The following KDM4C variants were observed in gnomAD, a reference collection of about 807,000 sequenced individuals.
KDM4C encodes lysine-specific demethylase 4C.
In KDM4C, 81 loss-of-function variants were observed where a neutral mutation model predicts 129.3. The ratio of observed to expected loss-of-function variants is 0.63; its 90% CI spans 0.52 to 0.75. The LOEUF is 0.75. Among genes scored for constraint, KDM4C ranks in the 30% least tolerant of loss-of-function variants. The probability of loss-of-function intolerance (pLI) is 0.00; values close to 1 mark genes in which losing one functional copy is unlikely to be tolerated. For synonymous variants in KDM4C, 573 were observed against 456.1 expected (o/e 1.26, Z -3.26); for missense variants, 1,457 against 1,304.0 (o/e 1.12, Z -1.81).
At chr9:6,973,833 TGGA>T (rs1832445682) in intron 8 of KDM4C, 1 of 152,208 alleles carries the variant, frequency 6.6e-6, no homozygotes, top group Admixed American at 6.5e-5. Context: ...GCAGAAAAGA[TGGA>T]GGAGGACAGG....
chr9:6,836,334 T>C (rs985229521), intron 4 of KDM4C, among the ~76,000 whole-genome samples: 6 of 152,100 alleles, frequency 3.9e-5, no homozygotes, highest in Admixed American at 2.6e-4. Flanking sequence ...ATCATGCCAT[T>C]GCACTCCAGC....
At position 7,122,691 on chromosome 9, in the gene KDM4C, G is replaced by A. The variant is rs1460946480; in HGVS notation, c.2611-5375G>A. On this transcript the variant is annotated intron_variant, in intron 18 of 21. Coordinates refer to ENST00000381309, the MANE Select transcript of KDM4C (RefSeq NM_015061.6). ...TTATTTATGCTTTTATGGAATGTCTGTAACGTTTTTTTACTTAACATTTTG... is the reference window on the plus strand; with the variant it reads ...TTATTTATGCTTTTATGGAATGTCTATAACGTTTTTTTACTTAACATTTTG... Among the ~76,000 whole-genome samples the A allele has an allele frequency of 2.0e-5, 3 of 152,160 alleles. No homozygotes were observed. The East Asian group carries it at 5.8e-4, about 29-fold the overall frequency.
At chr9:6,935,294 AT>A (rs1388591670) in intron 8 of KDM4C, among the ~76,000 whole-genome samples, 1 of 152,132 alleles carries the variant, frequency 6.6e-6, no homozygotes, top group Non-Finnish European at 1.5e-5. Flanking sequence ...TATAATTATA[AT>A]CATATTATTT....
chr9:7,084,639 T>G (rs1834909744), intron 17 of KDM4C, among the ~76,000 whole-genome samples: 1 of 152,250 alleles, frequency 6.6e-6, no homozygotes, highest in Non-Finnish European at 1.5e-5. Flanking sequence ...ATGATCTTAG[T>G]GTAGTTTTTG....
chr9:7,014,952 A>T (rs959034428), intron 14 of KDM4C, among the ~76,000 whole-genome samples: 3 of 145,724 alleles, frequency 2.1e-5, no homozygotes, highest in African/African-American at 7.6e-5. Context: ...ACACACACAC[A>T]CCTTACATTA....
intron 8 of KDM4C, among the ~76,000 whole-genome samples, chr9:6,964,750 C>T (rs1370063947): frequency 7.0e-6 from 1 of 143,192 alleles, no homozygotes; most frequent in East Asian, 2.3e-4. Flanking sequence ...CCACTGCACT[C>T]CAGCCTGGGG....
At chr9:6,943,777 G>A (rs556872304) in intron 8 of KDM4C, among the ~76,000 whole-genome samples, 2 of 152,334 alleles carry the variant, frequency 1.3e-5, no homozygotes, top group South Asian at 4.1e-4. Flanking sequence ...AGTGGGAATG[G>A]AAGGCCTTCT....
intron 2 of KDM4C, among the ~76,000 whole-genome samples, chr9:6,793,916 G>T (rs1827239150): frequency 6.6e-6 from 1 of 152,006 alleles, no homozygotes; most frequent in Non-Finnish European, 1.5e-5. Flanking sequence ...CATTTAAAGT[G>T]TGCAATTCAG....
intron 1 of KDM4C, chr9:6,721,083 T>C: frequency 7.9e-7 from 1 of 1,270,594 alleles, no homozygotes; most frequent in Non-Finnish European, 1.1e-6. Context: ...ATTTCTTTAT[T>C]TTTATTTTTT....
intron 8 of KDM4C, among the ~76,000 whole-genome samples, chr9:6,919,076 C>T (rs567130506): frequency 2.0e-4 from 30 of 152,278 alleles, no homozygotes; most frequent in South Asian, 1.9e-3. Context: ...TGGTCTTGAA[C>T]TCTTGACCTT....
At chr9:6,863,935 A>G (rs1193220328) in intron 5 of KDM4C, among the ~76,000 whole-genome samples, 1 of 152,118 alleles carries the variant, frequency 6.6e-6, no homozygotes. Flanking sequence ...ATCCACCCCC[A>G]TGATGGAAAC....
intron 2 of KDM4C, among the ~76,000 whole-genome samples, chr9:6,794,463 A>G (rs1827340552): frequency 6.6e-6 from 1 of 152,218 alleles, no homozygotes; most frequent in Non-Finnish European, 1.5e-5. Flanking sequence ...AAGCACTGAC[A>G]GGCTTAAAGT....
chr9:6,877,444 C>T (rs187899440), intron 5 of KDM4C, among the ~76,000 whole-genome samples: 31 of 152,058 alleles, frequency 2.0e-4, no homozygotes, highest in African/African-American at 7.2e-4. Flanking sequence ...TCATGATCTG[C>T]CCGCCTCGAC....
At chr9:7,013,680 C>G (rs1823110184) in intron 13 of KDM4C, 108 bp from the exon 14 acceptor site, 1 of 1,045,218 alleles carries the variant, frequency 9.6e-7, no homozygotes, top group South Asian at 1.6e-5. Flanking sequence ...ACAGGAAGAA[C>G]AAAAGTTAGA....
At chr9:6,762,097 C>T (rs1588106222) in intron 1 of KDM4C, among the ~76,000 whole-genome samples, 1 of 152,050 alleles carries the variant, frequency 6.6e-6, no homozygotes, top group South Asian at 2.1e-4. Context: ...CATGCCTGCC[C>T]ATTTTTCTGT....
chr9:6,824,300 A>G (rs992156505), intron 4 of KDM4C, among the ~76,000 whole-genome samples: 1 of 152,182 alleles, frequency 6.6e-6, no homozygotes. Flanking sequence ...AGTCTCTAGC[A>G]TAGGGTCTGA....
chr9:7,022,040 T>G (rs949721174), intron 15 of KDM4C, among the ~76,000 whole-genome samples: 13 of 152,170 alleles, frequency 8.5e-5, no homozygotes, highest in African/African-American at 2.7e-4. Context: ...CATTACCATG[T>G]CATTTTGGTT....
At chr9:6,812,276 A>G (rs1020014182) in intron 3 of KDM4C, among the ~76,000 whole-genome samples, 2 of 151,984 alleles carry the variant, frequency 1.3e-5, no homozygotes, top group African/African-American at 4.8e-5. Flanking sequence ...ACATAGTGAT[A>G]GATTGGTCTT....
At chr9:6,728,496 T>G (rs968967178) in intron 1 of KDM4C, among the ~76,000 whole-genome samples, 2 of 150,098 alleles carry the variant, frequency 1.3e-5, no homozygotes, top group Non-Finnish European at 3.0e-5. Context: ...ATCACGCCAC[T>G]GCACTCCAGC....
Sources: gnomAD v4.1 joint callset for allele counts (sites outside exome capture counted in the v4.1 genomes callset) on GRCh38, gnomAD v4.1.1 for gene constraint, MANE v1.5 for transcripts, NCBI Gene and HGNC (gene_info 2026-07-23, HGNC 2026-07-21) for gene names.